The following ANPEP variants were observed in gnomAD, a reference collection of about 807,000 sequenced individuals.
The protein encoded by ANPEP is aminopeptidase N.
ANPEP carries 70 observed loss-of-function variants against 114.6 expected under a neutral mutation model. The ratio of observed to expected loss-of-function variants is 0.61; its 90% CI spans 0.50 to 0.75. ANPEP has a LOEUF of 0.75. Among genes scored for constraint, ANPEP ranks in the 30% least tolerant of loss-of-function variants. The probability of loss-of-function intolerance (pLI) is 0.00; values close to 1 mark genes in which losing one functional copy is unlikely to be tolerated. For missense variants in ANPEP, 1,184 were observed against 1,259.5 expected, an observed-to-expected ratio of 0.94 and a Z score of 0.91; for synonymous variants, 548 against 522.3, an observed-to-expected ratio of 1.05 and a Z score of -0.67.
At position 89,799,499 on chromosome 15, in the gene ANPEP, G is replaced by A. The variant is rs149131671; in HGVS notation, c.1880C>T (p.Thr627Met). The change falls in exon 13 of 21, where the codon ACG (threonine) becomes ATG (methionine). Residue 627 changes from threonine (T) to methionine (M), a missense_variant. By Grantham distance (81) the Thr-to-Met change is moderately conservative (BLOSUM62 -1). Transcript: ENST00000300060. This position sits in a 1 kb window ranked among gnomAD's most constrained non-coding sequence, Gnocchi z 4.2. The part of the protein sequence containing the change: ...NEWVLLNLNV[T>M]GYYRVNYDEE... ...GTCGTAGTTCACCCGGTAATAGCCC[G>A]TCACATTGAGGTTCAGCAGGACCCA... 55 of 1,614,016 alleles carry A rather than the reference G, an allele frequency of 3.4e-5. No individual in the cohort carries two copies. Among genetic ancestry groups the A allele is most frequent in the African/African-American group, 9.3e-5 (7 of 74,876 alleles).
chr15:89,800,259 CTCTT>C (rs1567158663), intron 12 of ANPEP, among the ~76,000 whole-genome samples: 1 of 152,208 alleles, frequency 6.6e-6, no homozygotes, highest in Non-Finnish European at 1.5e-5. Context: ...CTGATTCCTA[CTCTT>C]CCTCTAAGAC....
At chr15:89,798,807 G>T (rs1249188344) in intron 14 of ANPEP, among the ~76,000 whole-genome samples, 1 of 152,128 alleles carries the variant, frequency 6.6e-6, no homozygotes, top group Admixed American at 6.5e-5. Context: ...GGGCATGGTG[G>T]TGCACACCTG....
In ANPEP at chr15:89,785,257, C is replaced by T. The variant is rs1968484287; in HGVS notation, c.*92G>A. On this transcript the variant is annotated 3_prime_UTR_variant, in exon 21 of 21. Transcript: ENST00000300060. ...CCTTGAGGGGAGGACACTGGTGCCT[C>T]GGGCTCCAGGAATGGAGGCCCTGCA... 15 of 1,509,036 alleles carry T rather than the reference C, an allele frequency of 9.9e-6. No individual in the cohort carries two copies. Among genetic ancestry groups the T allele is most frequent in the Admixed American group, 1.8e-5 (1 of 55,456 alleles). The allele number at this position is 1,509,036 out of a possible 1,614,324, so 93.5% of individuals were successfully genotyped here.
chr15:89,794,894 T>G (rs1195416941), intron 15 of ANPEP, among the ~76,000 whole-genome samples: 2 of 152,170 alleles, frequency 1.3e-5, no homozygotes, highest in African/African-American at 4.8e-5. Context: ...GGACTAATTT[T>G]TGAGGGTCCC....
At chr15:89,796,845 T>TA (rs1243623532) in intron 15 of ANPEP, among the ~76,000 whole-genome samples, 1 of 152,218 alleles carries the variant, frequency 6.6e-6, no homozygotes, top group African/African-American at 2.4e-5. Flanking sequence ...AAGCATGATT[T>TA]AATGACTACA....
chr15:89,811,570 C>T (rs1339840346), intron 1 of ANPEP, among the ~76,000 whole-genome samples: 2 of 151,226 alleles, frequency 1.3e-5, no homozygotes, highest in African/African-American at 2.4e-5. Context: ...GGCATGAACC[C>T]GGGAGGCGGA....
chr15:89,789,920 G>A (rs535751500), intron 20 of ANPEP, among the ~76,000 whole-genome samples: 49 of 151,900 alleles, frequency 3.2e-4, no homozygotes, highest in African/African-American at 1.1e-3. Context: ...TTAGCCAGGC[G>A]CGGTGGCGGG....
At chr15:89,792,634 C>A (rs1596161969) in intron 16 of ANPEP, 72 bp from the exon 17 acceptor site, 15 of 1,337,512 alleles carry the variant, frequency 1.1e-5, no homozygotes, top group Non-Finnish European at 1.3e-5. Context: ...GACACACAAC[C>A]CCAGGCCGGC....
At chr15:89,805,283 GC>G (rs2141810427) in intron 3 of ANPEP, 37 bp downstream of exon 3, 2 of 1,612,816 alleles carry the variant, frequency 1.2e-6, no homozygotes, top group African/African-American at 1.3e-5. Flanking sequence ...CAGGGTGCCT[GC>G]CCCCTGGCCC....
chr15:89,793,007 T>G (rs1443573022), intron 16 of ANPEP, 28 bp downstream of exon 16: 1 of 1,599,630 alleles, frequency 6.3e-7, no homozygotes, highest in African/African-American at 1.3e-5. Flanking sequence ...TGCCCAGGAC[T>G]TCCAAACCCA....
chr15:89,794,817 G>A (rs1384565519), intron 15 of ANPEP, among the ~76,000 whole-genome samples: 2 of 152,142 alleles, frequency 1.3e-5, no homozygotes, highest in Non-Finnish European at 2.9e-5. Context: ...AGTACTACCA[G>A]CCTCATTGCA....
intron 1 of ANPEP, among the ~76,000 whole-genome samples, chr15:89,808,379 T>C (rs1307457057): frequency 6.6e-6 from 1 of 152,266 alleles, no homozygotes; most frequent in Non-Finnish European, 1.5e-5. Context: ...CAGCGTGGTT[T>C]TCCCTTTGAT....
intron 1 of ANPEP, among the ~76,000 whole-genome samples, chr15:89,814,371 T>A (rs1894870334): frequency 6.6e-6 from 1 of 152,038 alleles, no homozygotes; most frequent in African/African-American, 2.4e-5. Context: ...CCCTTTGCCT[T>A]CGGCCGCGCC....
rs1968491266 is a variant in ANPEP, at chr15:89,785,481, G to C, written c.2772C>G (p.Asp924Glu). ...CTGAGCCGAAGCCTGTTTCCTCGTT[G>C]TCCTTCTTGAACTGCTCCAGCTGCC... ...ELQQLEQFKK[D>E]NEETGFGSGT... Residue 924 changes from aspartate to glutamate, a missense_variant, in exon 21 of 21, where the codon GAC becomes GAG. By Grantham distance (45) the Asp-to-Glu change is conservative. Coordinates refer to ENST00000300060, the MANE Select transcript of ANPEP (RefSeq NM_001150.3). 6.2e-7 allele frequency: 1 copy of C among 1,614,028 alleles called. No individual in the cohort carries two copies. The highest frequency in any genetic ancestry group is 1.7e-4 in the Middle Eastern group (1 of 6,058).
intron 1 of ANPEP, among the ~76,000 whole-genome samples, chr15:89,810,618 T>TA (rs1894800915): frequency 4.6e-5 from 7 of 150,994 alleles, no homozygotes; most frequent in Admixed American, 6.6e-5. Context: ...TACCAGTGTG[T>TA]TCAAAAGCCT....
intron 1 of ANPEP, among the ~76,000 whole-genome samples, chr15:89,809,417 C>G (rs1218705141): frequency 6.6e-6 from 1 of 152,210 alleles, no homozygotes; most frequent in Admixed American, 6.5e-5. Flanking sequence ...GACCATAGGC[C>G]CAGCTGGCTG....
Position 89,803,839 on chromosome 15 carries a change from C to A in ANPEP, c.1294-49G>T, listed in dbSNP as rs775847657. ...GGAGACTGGCCTGGTAGCGGTGGCC[C>A]AGGTCTCCCTCCATGCCCCCCGCAC... On this transcript the variant is annotated intron_variant, in intron 7 of 20. Transcript: ENST00000300060. The surrounding 1 kb of genome is among the most constrained non-coding windows in gnomAD (Gnocchi z 4.2). 6.2e-7 allele frequency: 1 copy of A among 1,612,958 alleles called. No individual in the cohort carries two copies. Among genetic ancestry groups the A allele is most frequent in the Non-Finnish European group, 8.5e-7 (1 of 1,179,210 alleles).
intron 20 of ANPEP, among the ~76,000 whole-genome samples, chr15:89,786,618 G>C (rs1341824874): frequency 6.6e-6 from 1 of 151,832 alleles, no homozygotes; most frequent in Admixed American, 6.6e-5. Context: ...ACCTGAGCCT[G>C]GGAAGTTGAG....
Position 89,805,335 on chromosome 15 carries a change from T to A in ANPEP, c.743A>T (p.Asn248Ile), listed in dbSNP as rs1348020537. 11 of 1,613,908 alleles carry A rather than the reference T, an allele frequency of 6.8e-6. No individual in the cohort carries two copies. The highest frequency in any genetic ancestry group is 9.3e-6 in the Non-Finnish European group (11 of 1,179,976). Residue 248 changes from asparagine to isoleucine, a missense_variant, in exon 3 of 21, where the codon AAC becomes ATC. By Grantham distance (149) the Asn-to-Ile change is moderately radical (BLOSUM62 -3). Coordinates refer to ENST00000300060, the MANE Select transcript of ANPEP (RefSeq NM_001150.3). Reference sequence around the variant, plus strand: ...GGCCCACTCACCTTTGGGAAGCATGTTGGACAGGGCTGTCAGGTCCTTGGG... The same window carrying A: ...GGCCCACTCACCTTTGGGAAGCATGATGGACAGGGCTGTCAGGTCCTTGGG... ...IHPKDLTALS[N>I]MLPKGPSTPL...
Sources: allele counts gnomAD v4.1 joint callset (sites outside exome capture counted in the v4.1 genomes callset), GRCh38; gene constraint gnomAD v4.1.1; non-coding constraint Gnocchi (gnomAD v3.1); transcripts MANE v1.5; gene names NCBI Gene and HGNC (gene_info 2026-07-23, HGNC 2026-07-21).